Variants in GCN1 observed in about 807,000 individuals in gnomAD.
The protein encoded by GCN1 is GCN1 activator of EIF2AK4, also known as stalled ribosome sensor GCN1.
A neutral mutation model predicts 288.4 loss-of-function variants in GCN1; 90 were observed. The observed-to-expected ratio is 0.31, with a 90% CI of 0.26 to 0.37. The LOEUF is 0.37. Ranked by LOEUF, GCN1 falls within the 10% of genes least tolerant of loss-of-function variation. The pLI, the probability that GCN1 is intolerant of heterozygous loss-of-function variation, is 1.00. For synonymous variants in GCN1, 1,386 were observed against 1,420.2 expected, an observed-to-expected ratio of 0.98 and a Z score of 0.54; for missense variants, 2,586 against 3,419.9, an observed-to-expected ratio of 0.76 and a Z score of 6.08.
chr12:120,183,424 A>C, intron 5 of GCN1, 145 bp downstream of exon 5: 2 of 652,466 alleles, frequency 3.1e-6, no homozygotes, highest in Non-Finnish European at 5.6e-6. Context: ...ATGGCCATCC[A>C]CCAAAGCCAC....
chr12:120,148,904 C>T (rs1466395417), intron 36 of GCN1, among the ~76,000 whole-genome samples: 2 of 152,044 alleles, frequency 1.3e-5, no homozygotes, highest in Admixed American at 6.6e-5. Context: ...GCTGCAGCCC[C>T]AAACTCCAGG....
Position 120,137,869 on chromosome 12 carries a change from C to T in GCN1, c.6393+32G>A, listed in dbSNP as rs1339444586. 1 of 1,613,224 alleles carries T rather than the reference C, an allele frequency of 6.2e-7. No individual in the cohort carries two copies. ...GCAGGGATCCTCCGGGCAGACGGGA[C>T]ATGAGAAAGCAGGAGCAGGCTCGCC... On this transcript the variant is annotated intron_variant, in intron 48 of 57. Transcript: ENST00000300648. This position sits in a 1 kb window ranked among gnomAD's most constrained non-coding sequence, Gnocchi z 5.2.
At position 120,134,633 on chromosome 12, in the gene GCN1, C is replaced by T. The variant is rs538505645; in HGVS notation, c.7102G>A (p.Ala2368Thr). ...GAAATGAGCTTCCCCAGAGCATCTG[C>T]GGCCTTCAGGCGCACCCCCCGGTTG... Reference protein sequence around the residue: ...DSNRGVRLKAADALGKLISIH... With the variant: ...DSNRGVRLKATDALGKLISIH... Residue 2368 changes from alanine to threonine, a missense_variant, in exon 52 of 58, where the codon GCA becomes ACA. Physicochemically the swap from Ala to Thr is moderately conservative, Grantham distance 58 (BLOSUM62 0). This residue lies in a region of GCN1 where 355 missense variants were observed against 431.1 expected (regional missense o/e 0.82). Coordinates refer to ENST00000300648, the MANE Select transcript of GCN1 (RefSeq NM_006836.2). This position sits in a 1 kb window ranked among gnomAD's most constrained non-coding sequence, Gnocchi z 5.0. The T allele has an allele frequency of 2.5e-6, 4 of 1,613,936 alleles. No homozygotes were observed. Among genetic ancestry groups the T allele is most frequent in the East Asian group, 2.2e-5 (1 of 44,878 alleles).
Position 120,156,863 on chromosome 12 carries a change from C to A in GCN1, c.3168+49G>T. 2 of 1,281,410 alleles carry A rather than the reference C, an allele frequency of 1.6e-6. No individual in the cohort carries two copies. Among genetic ancestry groups the A allele is most frequent in the South Asian group, 2.4e-5 (2 of 84,420 alleles). 79.4% of individuals were successfully genotyped at this position (1,281,410 alleles called of 1,614,324 possible). A position where few individuals can be genotyped will look rare whatever the true frequency, so the allele number is the denominator to read the frequency against. On this transcript the variant is annotated intron_variant, in intron 27 of 57. Transcript: ENST00000300648. This position sits in a 1 kb window ranked among gnomAD's most constrained non-coding sequence, Gnocchi z 5.8. ...CACCCTTTACACTGGGACTTGAGGTCTGGGTCACGAACTGAGTCACAGCAA... is the reference window on the plus strand; with the variant it reads ...CACCCTTTACACTGGGACTTGAGGTATGGGTCACGAACTGAGTCACAGCAA...
chr12:120,180,413 G>A (rs903479746), intron 5 of GCN1, among the ~76,000 whole-genome samples: 8 of 151,190 alleles, frequency 5.3e-5, no homozygotes, highest in African/African-American at 1.2e-4. Context: ...TCAAGAGATC[G>A]AGACCATCCT....
intron 7 of GCN1, among the ~76,000 whole-genome samples, chr12:120,178,147 A>C (rs1401775689): frequency 2.6e-5 from 4 of 152,152 alleles, no homozygotes; most frequent in African/African-American, 9.7e-5. Context: ...CCTTCTTTAG[A>C]GTGATGTGTT....
In GCN1 at chr12:120,161,504, G is replaced by A. The variant is rs1166084913; in HGVS notation, c.2422C>T (p.Leu808=). The A allele has an allele frequency of 1.2e-6, 2 of 1,612,398 alleles. No individual in the cohort carries two copies. Among genetic ancestry groups the A allele is most frequent in the Non-Finnish European group, 1.7e-6 (2 of 1,178,506 alleles). Reference sequence around the variant, plus strand: ...CGTGTACTCACCTCCTTCAGCTCCAGCTCGATGATCTGCTCTTTGAAGGAA... The same window carrying A: ...CGTGTACTCACCTCCTTCAGCTCCAACTCGATGATCTGCTCTTTGAAGGAA... ...AYSFKEQIIE[L]ELKEEIKKKK... The change falls in exon 22 of 58, where the codon CTG becomes TTG. Residue 808 remains leucine, a synonymous_variant. Coordinates refer to ENST00000300648, the MANE Select transcript of GCN1 (RefSeq NM_006836.2).
rs759212110 is a variant in GCN1, at chr12:120,144,882, G to C, written c.5155+41C>G. ...GTCCACTGGATCTGAGGGCCCCTTA[G>C]AGCATTCCCAGGCTGGCCACTGGAC... On this transcript the variant is annotated intron_variant, in intron 40 of 57. Transcript: ENST00000300648. The surrounding 1 kb of genome is among the most constrained non-coding windows in gnomAD (Gnocchi z 4.7). The C allele has an allele frequency of 6.2e-6, 10 of 1,614,076 alleles. No individual in the cohort carries two copies. The highest frequency in any genetic ancestry group is 8.5e-6 in the Non-Finnish European group (10 of 1,179,946).
At chr12:120,130,801 C>T in intron 55 of GCN1, 48 bp from the exon 56 acceptor site, 1 of 1,251,044 alleles carries the variant, frequency 8.0e-7, no homozygotes, top group Non-Finnish European at 1.2e-6. Context: ...ACCCCTTCCC[C>T]AGAGCCAGGA....
chr12:120,141,820 T>C (rs958306098), intron 44 of GCN1, among the ~76,000 whole-genome samples: 1 of 152,130 alleles, frequency 6.6e-6, no homozygotes, highest in Admixed American at 6.5e-5. Context: ...GGCCCATCCC[T>C]CCCCAGCAGG....
chr12:120,189,934 C>T (rs554714489), intron 2 of GCN1, among the ~76,000 whole-genome samples: 37 of 152,134 alleles, frequency 2.4e-4, no homozygotes, highest in Non-Finnish European at 3.5e-4. Context: ...GAGCCGAGAG[C>T]GTGCCACTGC....
chr12:120,173,034 G>A (rs1878359000), intron 14 of GCN1, among the ~76,000 whole-genome samples: 1 of 150,602 alleles, frequency 6.6e-6, no homozygotes, highest in Non-Finnish European at 1.5e-5. Flanking sequence ...AAGTTTACAC[G>A]AAGTTGGATT....
intron 2 of GCN1, among the ~76,000 whole-genome samples, chr12:120,185,287 A>G (rs1378443530): frequency 6.6e-6 from 1 of 152,172 alleles, no homozygotes; most frequent in Non-Finnish European, 1.5e-5. Context: ...CGGTTTAAAA[A>G]ACAGTGCAAC....
intron 10 of GCN1, 80 bp downstream of exon 10, chr12:120,176,063 A>T: frequency 7.9e-7 from 1 of 1,267,962 alleles, no homozygotes; most frequent in East Asian, 2.3e-5. Flanking sequence ...GCTGTCCCCT[A>T]CCCCTGCTAC....
rs1877238242 is a variant in GCN1 at position 120,142,716 on chromosome 12, T to C, written c.5620A>G (p.Ile1874Val). Residue 1874 changes from isoleucine to valine, a missense_variant, in exon 44 of 58, where the codon ATC (isoleucine) becomes GTC (valine). Around this residue, in one of 8 missense-constraint regions of GCN1, gnomAD observed 437 missense variants for 570.5 expected, o/e 0.77. Coordinates refer to ENST00000300648, the MANE Select transcript of GCN1 (RefSeq NM_006836.2). The surrounding 1 kb of genome is among the most constrained non-coding windows in gnomAD (Gnocchi z 4.9). ...CGCCGCTCTACCCCCAGGGCAGTGA[T>C]GATCGCCTGCAGCCAGTAGAAGGGG... Reference protein sequence around the residue: ...FGTAQSNKAIITALGVERRNR... With the variant: ...FGTAQSNKAIVTALGVERRNR... 1 of 1,613,982 alleles carries C rather than the reference T, an allele frequency of 6.2e-7. No homozygotes were observed. The highest frequency in any genetic ancestry group is 1.7e-5 in the Admixed American group (1 of 60,008).
intron 36 of GCN1, among the ~76,000 whole-genome samples, chr12:120,148,853 G>A (rs769589308): frequency 1.3e-5 from 2 of 152,178 alleles, no homozygotes; most frequent in Admixed American, 6.5e-5. Flanking sequence ...AGGGTCTCAC[G>A]CTGCTGCCCA....
chr12:120,194,334 T>A (rs911950968), intron 1 of GCN1, among the ~76,000 whole-genome samples: 1 of 152,250 alleles, frequency 6.6e-6, no homozygotes, highest in Non-Finnish European at 1.5e-5. Flanking sequence ...TAAGGAAGAC[T>A]TGGCGTTGGC....
intron 2 of GCN1, among the ~76,000 whole-genome samples, chr12:120,187,887 G>GAAAAA (rs537567748): frequency 3.0e-5 from 3 of 99,606 alleles, no homozygotes; most frequent in African/African-American, 3.8e-5. Flanking sequence ...CAAAAGAAAT[G>GAAAAA]AAAAAAAAAA....
intron 53 of GCN1, among the ~76,000 whole-genome samples, chr12:120,132,666 T>C (rs2139081502): frequency 6.6e-6 from 1 of 152,322 alleles, no homozygotes; most frequent in Admixed American, 6.5e-5. Flanking sequence ...CGCGAGCGGC[T>C]CCGTGCTCCT....
Sources: gnomAD v4.1 joint callset for allele counts (sites outside exome capture counted in the v4.1 genomes callset) on GRCh38, gnomAD v4.1.1 for gene constraint, gnomAD v4.1.1 regional missense constraint, Gnocchi (gnomAD v3.1) non-coding constraint, MANE v1.5 for transcripts, NCBI Gene and HGNC (gene_info 2026-07-23, HGNC 2026-07-21) for gene names.